The following FHIT variants were observed in gnomAD, a reference collection of about 807,000 sequenced individuals.
FHIT encodes the protein fragile histidine triad diadenosine triphosphatase.
A neutral mutation model predicts 17.9 loss-of-function variants in FHIT; 19 were observed. The observed-to-expected ratio is 1.06, with a 90% CI of 0.74 to 1.56. The LOEUF (loss-of-function observed/expected upper bound fraction) is 1.56. Among genes scored for constraint, FHIT ranks in the 40% most tolerant of loss-of-function variants. The pLI is 0.00. For synonymous variants in FHIT, 81 were observed against 69.7 expected, an observed-to-expected ratio of 1.16 and a Z score of -0.81; for missense variants, 248 against 189.2, an observed-to-expected ratio of 1.31 and a Z score of -1.82.
At chr3:60,129,053 G>GTTTTTTTTT (rs72428863) in intron 5 of FHIT, among the ~76,000 whole-genome samples, 4 of 123,482 alleles carry the variant, frequency 3.2e-5, no homozygotes, top group Admixed American at 1.7e-4. Context: ...TTTTTTGTTT[G>GTTTTTTTTT]TTTTTTTTTT....
intron 5 of FHIT, among the ~76,000 whole-genome samples, chr3:60,249,223 T>G (rs1012707103): frequency 6.6e-6 from 1 of 152,172 alleles, no homozygotes; most frequent in African/African-American, 2.4e-5. Flanking sequence ...CGTTTTTCTA[T>G]TCTTGAAACT....
intron 8 of FHIT, among the ~76,000 whole-genome samples, chr3:59,876,887 G>C (rs1268004118): frequency 6.6e-6 from 1 of 152,190 alleles, no homozygotes; most frequent in East Asian, 1.9e-4. Context: ...GCCACTGATA[G>C]GAATAGGAAG....
At chr3:60,675,255 C>T (rs2107850248) in intron 4 of FHIT, among the ~76,000 whole-genome samples, 1 of 152,342 alleles carries the variant, frequency 6.6e-6, no homozygotes. Context: ...GCTTTAGTAT[C>T]TCTCTCCACT....
At chr3:60,564,930 A>C (rs990966155) in intron 4 of FHIT, among the ~76,000 whole-genome samples, 3 of 152,278 alleles carry the variant, frequency 2.0e-5, no homozygotes, top group South Asian at 4.1e-4. Flanking sequence ...ATGCTATTAA[A>C]TAGCATTACA....
intron 5 of FHIT, among the ~76,000 whole-genome samples, chr3:60,272,550 A>C (rs1706912740): frequency 1.3e-5 from 2 of 152,192 alleles, no homozygotes; most frequent in Admixed American, 1.3e-4. Context: ...AAACATATCA[A>C]ATCTTGAGGT....
intron 5 of FHIT, among the ~76,000 whole-genome samples, chr3:60,489,630 C>T (rs535022819): frequency 6.6e-6 from 1 of 152,294 alleles, no homozygotes; most frequent in Non-Finnish European, 1.5e-5. Flanking sequence ...AGAACATCTG[C>T]CTGCTTTAGA....
chr3:60,230,231 T>C (rs13316980), intron 5 of FHIT, among the ~76,000 whole-genome samples: 3,184 of 152,280 alleles, frequency 0.021, 92 homozygotes, highest in African/African-American at 0.073. Flanking sequence ...AAAGAGCATG[T>C]CTTTCAATGC....
intron 5 of FHIT, among the ~76,000 whole-genome samples, chr3:60,458,594 T>C (rs958542593): frequency 2.0e-5 from 3 of 151,538 alleles, no homozygotes; most frequent in Non-Finnish European, 4.4e-5. Context: ...GTAATAATAA[T>C]AATAATAATA....
At chr3:60,955,617 T>TATATACATATATATAC (rs1709103772) in intron 3 of FHIT, among the ~76,000 whole-genome samples, 1 of 13,874 alleles carries the variant, frequency 7.2e-5, no homozygotes, top group Non-Finnish European at 2.4e-4. Context: ...TATATATATA[T>TATATACATATATATAC]ATATATATAT....
At chr3:60,094,143 T>A (rs1703844070) in intron 5 of FHIT, among the ~76,000 whole-genome samples, 1 of 152,110 alleles carries the variant, frequency 6.6e-6, no homozygotes, top group Non-Finnish European at 1.5e-5. Context: ...TCTAAGAGAA[T>A]CTACCCACTA....
At chr3:59,852,242 G>A (rs1701971144) in intron 8 of FHIT, among the ~76,000 whole-genome samples, 1 of 152,074 alleles carries the variant, frequency 6.6e-6, no homozygotes, top group African/African-American at 2.4e-5. Flanking sequence ...AGAGAGTAGA[G>A]CAAGAGAACG....
At chr3:60,976,146 G>A (rs1237807118) in intron 3 of FHIT, among the ~76,000 whole-genome samples, 3 of 95,098 alleles carry the variant, frequency 3.2e-5, no homozygotes, top group African/African-American at 1.3e-4. Context: ...TCACTCTGTT[G>A]CCCAAGCTGG....
chr3:60,012,988 A>G (rs3772509), intron 6 of FHIT, among the ~76,000 whole-genome samples: 11,544 of 152,216 alleles, frequency 0.076, 975 homozygotes, highest in East Asian at 0.47. Context: ...CCCACTCTGA[A>G]CTGAACTACC....
chr3:61,151,048 AT>A (rs1288257037), intron 2 of FHIT, among the ~76,000 whole-genome samples: 3 of 152,358 alleles, frequency 2.0e-5, no homozygotes, highest in Non-Finnish European at 2.9e-5. Flanking sequence ...ACTGATTAAA[AT>A]TATTTACTTA....
intron 1 of FHIT, among the ~76,000 whole-genome samples, chr3:61,244,348 G>A (rs946329694): frequency 2.0e-5 from 3 of 152,166 alleles, no homozygotes; most frequent in Non-Finnish European, 4.4e-5. Context: ...CTTACATTAG[G>A]AGGCCAGGTA....
intron 8 of FHIT, among the ~76,000 whole-genome samples, chr3:59,821,126 TGA>T (rs1276216177): frequency 6.6e-6 from 1 of 151,922 alleles, no homozygotes; most frequent in African/African-American, 2.4e-5. Context: ...ATCTTGGAGA[TGA>T]GAGCAGGTTT....
At chr3:60,542,038 A>T (rs1473256610) in intron 4 of FHIT, among the ~76,000 whole-genome samples, 1 of 152,022 alleles carries the variant, frequency 6.6e-6, no homozygotes, top group Non-Finnish European at 1.5e-5. Context: ...ATTATTCAGA[A>T]TCCTCTTTAC....
At chr3:61,125,306 A>T (rs2036576503) in intron 2 of FHIT, among the ~76,000 whole-genome samples, 1 of 152,206 alleles carries the variant, frequency 6.6e-6, no homozygotes, top group South Asian at 2.1e-4. Context: ...AAGAGAAGGA[A>T]GCTAAAACTA....
chr3:60,530,488 A>G (rs1271012652), intron 5 of FHIT, among the ~76,000 whole-genome samples: 1 of 152,146 alleles, frequency 6.6e-6, no homozygotes. Flanking sequence ...TGTTCTGTCT[A>G]TGATAAAAAA....
Sources: gnomAD v4.1 joint callset for allele counts (sites outside exome capture counted in the v4.1 genomes callset) on GRCh38, gnomAD v4.1.1 for gene constraint, MANE v1.5 for transcripts, NCBI Gene and HGNC (gene_info 2026-07-23, HGNC 2026-07-21) for gene names.